TIAM2: variants seen among roughly 807,000 people sequenced by gnomAD.
The protein encoded by TIAM2 is TIAM Rac1 associated GEF 2.
A neutral mutation model predicts 152.9 loss-of-function variants in TIAM2; 80 were observed. The observed-to-expected ratio is 0.52, with a 90% CI of 0.44 to 0.63. The LOEUF (loss-of-function observed/expected upper bound fraction) is 0.63. Among genes scored for constraint, TIAM2 ranks in the 30% least tolerant of loss-of-function variants. The pLI is 0.00. For missense variants in TIAM2, 1,965 were observed against 2,120.1 expected (o/e 0.93, Z 1.44); for synonymous variants, 804 against 838.0 (o/e 0.96, Z 0.70).
At chr6:155,028,192 ATAC>A (rs1366771444) in intron 1 of TIAM2, among the ~76,000 whole-genome samples, 2 of 128,308 alleles carry the variant, frequency 1.6e-5, no homozygotes, top group Non-Finnish European at 3.3e-5. Flanking sequence ...TGTTACATAT[ATAC>A]TACATATAAT....
At position 155,043,623 on chromosome 6, in the gene TIAM2, G is replaced by A. The variant is rs576004537; in HGVS notation, c.-208-46666G>A. ...CACTCCAGCCTGGGTGACAGAGTGA[G>A]ACCCTGTCTCAAAAAAAAAAAAAAA... is the stretch of plus-strand genomic sequence containing the variant. On this transcript the variant is annotated intron_variant, in intron 1 of 26. Coordinates refer to ENST00000682666, the MANE Select transcript of TIAM2 (RefSeq NM_012454.4). 1.7e-3 allele frequency among the ~76,000 whole-genome samples: 195 copies of A among 114,186 alleles called. 1 individual carries two copies. The highest frequency in any genetic ancestry group is 6.2e-3 in the African/African-American group (175 of 28,158). 74.9% of individuals were successfully genotyped at this position (114,186 alleles called of 152,430 possible). A position where few individuals can be genotyped will look rare whatever the true frequency, so the allele number is the denominator to read the frequency against.
chr6:155,036,643 G>A (rs999133271), intron 1 of TIAM2, among the ~76,000 whole-genome samples: 3 of 148,508 alleles, frequency 2.0e-5, no homozygotes, highest in African/African-American at 7.4e-5. Context: ...TTGAGATGGA[G>A]TTTTACTCTT....
intron 1 of TIAM2, among the ~76,000 whole-genome samples, chr6:155,085,783 T>A (rs1583182302): frequency 6.6e-6 from 1 of 152,366 alleles, no homozygotes; most frequent in African/African-American, 2.4e-5. Context: ...CTGGTTTTCA[T>A]GCTGATAAAA....
intron 9 of TIAM2, among the ~76,000 whole-genome samples, chr6:155,167,314 TG>T (rs2115105404): frequency 6.6e-6 from 1 of 152,226 alleles, no homozygotes; most frequent in East Asian, 1.9e-4. Context: ...CTCCACATCC[TG>T]GGTTCAAGCA....
intron 14 of TIAM2, among the ~76,000 whole-genome samples, chr6:155,189,045 A>G (rs1028084430): frequency 2.6e-5 from 4 of 152,208 alleles, no homozygotes; most frequent in African/African-American, 9.7e-5. Flanking sequence ...TCAAGCTACC[A>G]GAAGCCACTT....
intron 2 of TIAM2, among the ~76,000 whole-genome samples, chr6:155,126,536 A>G (rs948455558): frequency 6.6e-5 from 10 of 152,174 alleles, no homozygotes; most frequent in Admixed American, 6.5e-4. Context: ...GTTTGAGAAC[A>G]GTCTGACCAA....
intron 1 of TIAM2, among the ~76,000 whole-genome samples, chr6:155,047,853 G>T (rs11962802): frequency 0.043 from 6,508 of 152,216 alleles, 455 homozygotes; most frequent in African/African-American, 0.15. Flanking sequence ...CCTTGCAAGT[G>T]AATGCAAAAG....
At chr6:155,244,130 T>C (rs897838217) in intron 17 of TIAM2, 51 bp downstream of exon 17, 1 of 1,548,108 alleles carries the variant, frequency 6.5e-7, no homozygotes, top group African/African-American at 1.4e-5. Context: ...TTAGTCTCTG[T>C]TTGCCTTTTA....
chr6:155,048,345 G>A (rs1777247984), intron 1 of TIAM2, among the ~76,000 whole-genome samples: 1 of 152,004 alleles, frequency 6.6e-6, no homozygotes, highest in Non-Finnish European at 1.5e-5. Context: ...CTCCCACCTT[G>A]GCCTCCCAAA....
intron 14 of TIAM2, among the ~76,000 whole-genome samples, chr6:155,194,435 T>C (rs1173608966): frequency 6.6e-5 from 10 of 152,096 alleles, no homozygotes; most frequent in Admixed American, 6.5e-4. Context: ...GGGAAGGGCA[T>C]TGCAGCTGCT....
intron 14 of TIAM2, among the ~76,000 whole-genome samples, chr6:155,185,875 C>T (rs934805481): frequency 8.5e-5 from 13 of 152,186 alleles, no homozygotes; most frequent in Non-Finnish European, 1.9e-4. Flanking sequence ...CTCCAGGTGG[C>T]TGTTCCATAG....
intron 1 of TIAM2, among the ~76,000 whole-genome samples, chr6:155,064,891 C>CTATTCTCCCCTT (rs1777656517): frequency 1.0e-5 from 1 of 97,066 alleles, no homozygotes; most frequent in Admixed American, 9.6e-5. Flanking sequence ...TTTCTCCCCT[C>CTATTCTCCCCTT]CTCTCTCCTC....
intron 15 of TIAM2, among the ~76,000 whole-genome samples, 171 bp downstream of exon 15, chr6:155,211,478 G>T (rs1320830338): frequency 6.6e-6 from 1 of 151,488 alleles, no homozygotes; most frequent in Non-Finnish European, 1.5e-5. Flanking sequence ...GTATTTTTTT[G>T]AAGTGAAGTA....
chr6:154,997,466 C>T (rs1562508487), intron 1 of TIAM2, among the ~76,000 whole-genome samples: 1 of 151,886 alleles, frequency 6.6e-6, no homozygotes. Context: ...CGCTCCTCTC[C>T]ATTGGAGAGG....
At chr6:155,094,452 G>A (rs1163339473) in intron 2 of TIAM2, among the ~76,000 whole-genome samples, 1 of 151,522 alleles carries the variant, frequency 6.6e-6, no homozygotes, top group African/African-American at 2.4e-5. Flanking sequence ...TATTTTGGAT[G>A]TATGCCGAAG....
chr6:155,050,541 C>G (rs903784972), intron 1 of TIAM2, among the ~76,000 whole-genome samples: 5 of 152,208 alleles, frequency 3.3e-5, no homozygotes, highest in Non-Finnish European at 7.3e-5. Flanking sequence ...GAAACATGCT[C>G]TCAGGAGCCT....
At position 155,179,109 on chromosome 6, in the gene TIAM2, G is replaced by C; in HGVS notation, c.2594G>C (p.Cys865Ser). The change falls in exon 11 of 27, where the codon TGC (cysteine) becomes TCC (serine). Residue 865 changes from cysteine to serine, a missense_variant. Cys to Ser is a moderately radical substitution (Grantham distance 112). Around this residue, in one of 3 missense-constraint regions of TIAM2, gnomAD observed 1,025 missense variants for 1,119.4 expected, o/e 0.92. Transcript: ENST00000682666. ...TTAGTAGATGACAATGTTGAGTATTGCATCCCTGCACCATATGAATATATG... is the reference window on the plus strand; with the variant it reads ...TTAGTAGATGACAATGTTGAGTATTCCATCCCTGCACCATATGAATATATG... ...RKLVDDNVEYCIPAPYEYMQQ... is the reference protein window; with the variant it reads ...RKLVDDNVEYSIPAPYEYMQQ... 2 of 1,614,024 alleles carry C rather than the reference G, an allele frequency of 1.2e-6. No individual in the cohort carries two copies. The highest frequency in any genetic ancestry group is 1.7e-6 in the Non-Finnish European group (2 of 1,179,982).
intron 7 of TIAM2, among the ~76,000 whole-genome samples, chr6:155,159,819 C>T (rs1780220089): frequency 6.6e-6 from 1 of 152,160 alleles, no homozygotes; most frequent in South Asian, 2.1e-4. Flanking sequence ...AGCTCTGGAA[C>T]TGATTCTTTC....
In TIAM2 at chr6:155,183,337, A is replaced by T. The variant is rs1780956519; in HGVS notation, c.2901A>T (p.Gly967=). ...CCCTGTTTTCTGAGAAGAGCGTCGG[A>T]CTCACTCTGATTGCCCGGCCTCCGG... ...MEALFSEKSV[G]LTLIARPPDT... is the part of the protein sequence containing the mutation. Residue 967 remains glycine (G), a synonymous_variant, in exon 14 of 27, where the codon GGA becomes GGT. Coordinates refer to ENST00000682666, the MANE Select transcript of TIAM2 (RefSeq NM_012454.4). 1 of 1,612,698 alleles carries T rather than the reference A, an allele frequency of 6.2e-7. No individual in the cohort carries two copies.
Sources: allele counts gnomAD v4.1 joint callset (sites outside exome capture counted in the v4.1 genomes callset), GRCh38; gene constraint gnomAD v4.1.1; regional missense constraint gnomAD v4.1.1; transcripts MANE v1.5; gene names NCBI Gene and HGNC (gene_info 2026-07-23, HGNC 2026-07-21).